Variants in NADK2 observed in about 807,000 individuals in gnomAD.
NADK2 encodes NAD kinase 2, mitochondrial.
Under a neutral mutation model 62.1 loss-of-function variants are expected in NADK2, and 35 were observed. The observed-to-expected ratio is 0.56, with a 90% CI of 0.43 to 0.75. The LOEUF is 0.75. Among genes scored for constraint, NADK2 ranks in the 30% least tolerant of loss-of-function variants. The pLI is 0.00. For missense variants in NADK2, 439 were observed against 561.3 expected (o/e 0.78, Z 2.20); for synonymous variants, 205 against 207.9 (o/e 0.99, Z 0.12).
chr5:36,233,546 T>C (rs1438756981), intron 1 of NADK2, among the ~76,000 whole-genome samples: 2 of 152,222 alleles, frequency 1.3e-5, no homozygotes, highest in African/African-American at 4.8e-5. Context: ...CATTATAAGC[T>C]GGTCACAATT....
At chr5:36,225,756 T>A in intron 3 of NADK2, 133 bp from the exon 4 acceptor site, 1 of 640,594 alleles carries the variant, frequency 1.6e-6, no homozygotes, top group Non-Finnish European at 2.7e-6. Context: ...TCCCACTCCC[T>A]TTCTACCTAT....
intron 1 of NADK2, among the ~76,000 whole-genome samples, chr5:36,237,530 C>A (rs547277935): frequency 2.0e-5 from 3 of 152,244 alleles, no homozygotes; most frequent in Admixed American, 6.5e-5. Context: ...AGAAAGACTT[C>A]TTTGTATAAT....
At chr5:36,219,406 T>G (rs1037173856) in intron 5 of NADK2, among the ~76,000 whole-genome samples, 190 bp downstream of exon 5, 5 of 152,162 alleles carry the variant, frequency 3.3e-5, no homozygotes, top group African/African-American at 4.8e-5. Flanking sequence ...AAACAAGGTT[T>G]CACCATGTTG....
chr5:36,225,129 C>T (rs1280335491), intron 4 of NADK2, among the ~76,000 whole-genome samples: 5 of 152,126 alleles, frequency 3.3e-5, no homozygotes, highest in Admixed American at 3.3e-4. Flanking sequence ...ACTGGTCCAT[C>T]CTATAACATA....
Position 36,241,738 on chromosome 5 carries a change from C to A in NADK2, c.61G>T (p.Ala21Ser). 7.8e-7 allele frequency: 1 copy of A among 1,284,024 alleles called. No homozygotes were observed. The highest frequency in any genetic ancestry group is 9.9e-7 in the Non-Finnish European group (1 of 1,010,590). 79.5% of individuals were successfully genotyped at this position (1,284,024 alleles called of 1,614,324 possible). A position where few individuals can be genotyped will look rare whatever the true frequency, so the allele number is the denominator to read the frequency against. ...CCCGCACCCGGTCCCCGCAGCGCCG[C>A]CGCCCGGCCGCCCGCCACGCGACAA... ...SCCRVAGGRA[A>S]ALRGPGAGGP... The change falls in exon 1 of 12, where the codon GCG (alanine) becomes TCG (serine). Residue 21 changes from alanine (A) to serine (S), a missense_variant. Physicochemically the swap from Ala to Ser is moderately conservative, Grantham distance 99. Transcript: ENST00000381937. The surrounding 1 kb of genome is among the most constrained non-coding windows in gnomAD (Gnocchi z 4.9).
chr5:36,235,664 C>A (rs941864742), intron 1 of NADK2, among the ~76,000 whole-genome samples: 1 of 151,994 alleles, frequency 6.6e-6, no homozygotes, highest in African/African-American at 2.4e-5. Flanking sequence ...TATCTTACTC[C>A]TGCTTGAGAA....
chr5:36,216,274 T>C (rs1430867285), intron 6 of NADK2, among the ~76,000 whole-genome samples: 2 of 151,550 alleles, frequency 1.3e-5, no homozygotes, highest in East Asian at 4.1e-4. Flanking sequence ...CACTTTTTAA[T>C]GAGATTATTT....
chr5:36,228,044 C>A (rs1201338642), intron 1 of NADK2, among the ~76,000 whole-genome samples: 1 of 151,876 alleles, frequency 6.6e-6, no homozygotes, highest in Non-Finnish European at 1.5e-5. Context: ...GGTTAGATGA[C>A]CTTTGTTCCA....
At chr5:36,201,357 G>C (rs1746440956) in intron 8 of NADK2, among the ~76,000 whole-genome samples, 196 bp from the exon 9 acceptor site, 1 of 152,010 alleles carries the variant, frequency 6.6e-6, no homozygotes, top group South Asian at 2.1e-4. Flanking sequence ...GATGGGAACA[G>C]AGATATTGCA....
chr5:36,226,063 G>A (rs1464043304), intron 3 of NADK2, among the ~76,000 whole-genome samples: 2 of 152,204 alleles, frequency 1.3e-5, no homozygotes, highest in East Asian at 3.9e-4. Flanking sequence ...TCAACTTAAA[G>A]CTTTAGAAAC....
chr5:36,218,061 T>A, intron 5 of NADK2, 177 bp from the exon 6 acceptor site: 1 of 541,832 alleles, frequency 1.8e-6, no homozygotes, highest in Non-Finnish European at 3.2e-6. Context: ...CAGATTTGAA[T>A]ATTTATTCTC....
chr5:36,239,857 A>C (rs1353879402), intron 1 of NADK2, among the ~76,000 whole-genome samples: 3 of 152,226 alleles, frequency 2.0e-5, no homozygotes, highest in African/African-American at 7.2e-5. Flanking sequence ...TCCACCTATG[A>C]GGCCCAGAGA....
intron 9 of NADK2, among the ~76,000 whole-genome samples, chr5:36,200,723 C>T (rs564680685): frequency 2.6e-5 from 4 of 151,946 alleles, no homozygotes; most frequent in Non-Finnish European, 5.9e-5. Context: ...GCCCATTAGT[C>T]ACTTAGTAGC....
intron 4 of NADK2, among the ~76,000 whole-genome samples, chr5:36,225,271 T>C (rs1228961041): frequency 6.6e-6 from 1 of 152,196 alleles, no homozygotes; most frequent in Non-Finnish European, 1.5e-5. Context: ...ATTTGATTAC[T>C]AGAATGCTTC....
chr5:36,208,706 T>C (rs1746733326), intron 7 of NADK2: 9 of 1,508,484 alleles, frequency 6.0e-6, no homozygotes, highest in East Asian at 2.5e-5. Flanking sequence ...TTAGAACAAA[T>C]AGGAGAAAAG....
At chr5:36,223,464 A>G (rs1023816509) in intron 4 of NADK2, among the ~76,000 whole-genome samples, 6 of 152,212 alleles carry the variant, frequency 3.9e-5, no homozygotes, top group Non-Finnish European at 7.3e-5. Flanking sequence ...CCAGAGCACA[A>G]TATGTAAAAA....
At chr5:36,218,208 A>G (rs1747122773) in intron 5 of NADK2, 3 of 173,760 alleles carry the variant, frequency 1.7e-5, no homozygotes, top group Admixed American at 1.2e-4. Flanking sequence ...TCAGCAAAAA[A>G]TATTATACAA....
intron 1 of NADK2, among the ~76,000 whole-genome samples, chr5:36,233,277 C>T (rs1747775823): frequency 6.6e-6 from 1 of 152,174 alleles, no homozygotes; most frequent in Admixed American, 6.5e-5. Context: ...CTTAACACCA[C>T]CACATTTTGG....
intron 7 of NADK2, 25 bp downstream of exon 7, chr5:36,211,819 C>T: frequency 1.3e-6 from 2 of 1,580,298 alleles, no homozygotes; most frequent in Non-Finnish European, 1.7e-6. Flanking sequence ...AAATTCCATG[C>T]TCAAGATCAC....
Sources: gnomAD v4.1 joint callset for allele counts (sites outside exome capture counted in the v4.1 genomes callset) on GRCh38, gnomAD v4.1.1 for gene constraint, Gnocchi (gnomAD v3.1) non-coding constraint, MANE v1.5 for transcripts, NCBI Gene and HGNC (gene_info 2026-07-23, HGNC 2026-07-21) for gene names.